The following WWOX variants were observed in gnomAD, a reference collection of about 807,000 sequenced individuals.
The protein encoded by WWOX is WW domain-containing oxidoreductase.
A neutral mutation model predicts 46.2 loss-of-function variants in WWOX; 69 were observed. The observed-to-expected ratio is 1.49, with a 90% CI of 1.23 to 1.82. The LOEUF is 1.82. Among genes scored for constraint, WWOX ranks in the 40% most tolerant of loss-of-function variants. The pLI, the probability that WWOX is intolerant of heterozygous loss-of-function variation, is 0.00. For synonymous variants in WWOX, 359 were observed against 202.6 expected (o/e 1.77, Z -6.56); for missense variants, 919 against 542.6 (o/e 1.69, Z -6.89).
At position 79,079,019 on chromosome 16, in the gene WWOX, A is replaced by C. The variant is rs149394829; in HGVS notation, c.1057-132589A>C. 3.0e-4 allele frequency among the ~76,000 whole-genome samples: 45 copies of C among 152,304 alleles called. No homozygotes were observed. The East Asian group carries it at 7.2e-3, about 24-fold the overall frequency. ...GAGATGCTAAAATATAATACATTTG[A>C]CCTGCATTGATCAAGGTAGGCTAAC... is the stretch of plus-strand genomic sequence containing the variant. On this transcript the variant is annotated intron_variant, in intron 8 of 8. Coordinates refer to ENST00000566780, the MANE Select transcript of WWOX (RefSeq NM_016373.4).
intron 8 of WWOX, among the ~76,000 whole-genome samples, chr16:78,497,588 T>C (rs2084947860): frequency 6.6e-6 from 1 of 152,188 alleles, no homozygotes; most frequent in Non-Finnish European, 1.5e-5. Context: ...ATATTCAAAA[T>C]GTACACACAG....
At chr16:79,055,467 C>G (rs564522350) in intron 8 of WWOX, among the ~76,000 whole-genome samples, 6 of 152,202 alleles carry the variant, frequency 3.9e-5, no homozygotes, top group Admixed American at 1.3e-4. Flanking sequence ...GCCCAGCTAG[C>G]CATGTGGAGA....
chr16:78,836,522 C>T (rs1264041276), intron 8 of WWOX, among the ~76,000 whole-genome samples: 1 of 152,126 alleles, frequency 6.6e-6, no homozygotes, highest in African/African-American at 2.4e-5. Flanking sequence ...TGCCCCTTGC[C>T]ATGTTTAGTA....
chr16:78,612,809 T>G (rs1408793836), intron 8 of WWOX, among the ~76,000 whole-genome samples: 1 of 152,176 alleles, frequency 6.6e-6, no homozygotes, highest in Non-Finnish European at 1.5e-5. Context: ...AAATGAAGGC[T>G]ACAATATTTA....
chr16:78,950,517 A>AACAC (rs748466625), intron 8 of WWOX, among the ~76,000 whole-genome samples: 18 of 105,232 alleles, frequency 1.7e-4, no homozygotes, highest in African/African-American at 3.1e-4. Context: ...CTATTAAAGG[A>AACAC]ACACACACAC....
In WWOX at chr16:78,347,504, C is replaced by G. The variant is rs554653019; in HGVS notation, c.517-39356C>G. 3.8e-4 allele frequency among the ~76,000 whole-genome samples: 45 copies of G among 117,928 alleles called. 15 individuals are homozygous for G. The highest frequency in any genetic ancestry group is 1.2e-3 in the African/African-American group (43 of 34,632). The allele number at this position is 117,928 out of a possible 152,430, so 77.4% of individuals were successfully genotyped here. A position where few individuals can be genotyped will look rare whatever the true frequency, so the allele number is the denominator to read the frequency against. On this transcript the variant is annotated intron_variant, in intron 5 of 8. Coordinates refer to ENST00000566780, the MANE Select transcript of WWOX (RefSeq NM_016373.4). ...CCCACATATCATTGCTATCCCTCCTCGACACCCACACCTCTTGCATGTTCC... is the reference window on the plus strand; with the variant it reads ...CCCACATATCATTGCTATCCCTCCTGGACACCCACACCTCTTGCATGTTCC...
chr16:78,356,088 A>AAAAAAAAAAAAC (rs2081281967), intron 5 of WWOX, among the ~76,000 whole-genome samples: 1 of 76,656 alleles, frequency 1.3e-5, no homozygotes, highest in Non-Finnish European at 2.9e-5. Context: ...AAAAAAAAAA[A>AAAAAAAAAAAAC]AAAAAGAAGA....
intron 8 of WWOX, among the ~76,000 whole-genome samples, chr16:79,209,310 A>C (rs1320090842): frequency 1.3e-5 from 2 of 152,194 alleles, no homozygotes; most frequent in Non-Finnish European, 2.9e-5. Flanking sequence ...TCTTAGCAAA[A>C]ATACCATTCC....
At chr16:78,707,757 C>T (rs978749716) in intron 8 of WWOX, among the ~76,000 whole-genome samples, 2 of 151,826 alleles carry the variant, frequency 1.3e-5, no homozygotes, top group African/African-American at 2.4e-5. Context: ...GTGGTGCACA[C>T]CTGTAGTCCC....
chr16:79,179,251 G>A (rs983117307), intron 8 of WWOX, among the ~76,000 whole-genome samples: 1 of 152,200 alleles, frequency 6.6e-6, no homozygotes, highest in Non-Finnish European at 1.5e-5. Flanking sequence ...ATGCTTACTT[G>A]ACTTGGACCA....
chr16:79,121,536 C>G (rs941749592), intron 8 of WWOX, among the ~76,000 whole-genome samples: 9 of 152,288 alleles, frequency 5.9e-5, no homozygotes, highest in Middle Eastern at 3.4e-3. Context: ...CACTCGTCTA[C>G]TTGAACTTCC....
chr16:78,238,027 A>G (rs1331121976), intron 5 of WWOX: 1 of 152,182 alleles, frequency 6.6e-6, no homozygotes, highest in African/African-American at 2.4e-5. Context: ...GGCTGTTTGG[A>G]GCAGGAGGCT....
intron 8 of WWOX, among the ~76,000 whole-genome samples, chr16:79,098,143 C>T (rs1337862519): frequency 2.0e-5 from 3 of 152,198 alleles, no homozygotes; most frequent in Non-Finnish European, 2.9e-5. Context: ...AACCTGTCTG[C>T]TCATCAGAAT....
intron 8 of WWOX, chr16:79,016,894 T>C (rs2047424959): frequency 1.3e-5 from 2 of 152,202 alleles, no homozygotes; most frequent in South Asian, 4.1e-4. Flanking sequence ...CGTCTTATTA[T>C]GTTTTCCAAA....
intron 8 of WWOX, among the ~76,000 whole-genome samples, chr16:79,049,166 C>T (rs2048120263): frequency 6.6e-6 from 1 of 152,218 alleles, no homozygotes; most frequent in African/African-American, 2.4e-5. Context: ...ACCATCACAA[C>T]TATTCAGTTC....
chr16:78,877,455 A>G (rs2044257358), intron 8 of WWOX, among the ~76,000 whole-genome samples: 1 of 152,178 alleles, frequency 6.6e-6, no homozygotes. Flanking sequence ...GTTCTTCTCC[A>G]AAAGGCTTTG....
chr16:78,972,788 T>TA (rs936383434), intron 8 of WWOX, among the ~76,000 whole-genome samples: 18 of 152,310 alleles, frequency 1.2e-4, no homozygotes, highest in Middle Eastern at 3.4e-3. Context: ...AGTGGAAACA[T>TA]AAAAAATGGT....
At chr16:78,239,754 C>T (rs1470974456) in intron 5 of WWOX, among the ~76,000 whole-genome samples, 6 of 151,994 alleles carry the variant, frequency 3.9e-5, no homozygotes, top group African/African-American at 1.5e-4. Context: ...AGGCTGGTCT[C>T]GAACTCCTGA....
chr16:78,874,522 C>T lies in WWOX; in HGVS notation c.1057-337086C>T, dbSNP rs149513780. ...GGTGCCTGGCCAGGGCTCACTGCAG[C>T]GCCTGGTATACAGGAAGAACTTGAT... is the stretch of plus-strand genomic sequence containing the variant. On this transcript the variant is annotated intron_variant, in intron 8 of 8. Coordinates refer to ENST00000566780, the MANE Select transcript of WWOX (RefSeq NM_016373.4). Among the ~76,000 whole-genome samples the T allele has an allele frequency of 5.0e-4, 76 of 152,058 alleles. 3 individuals are homozygous for T. The East Asian group carries it at 0.013, about 27-fold the overall frequency.
Sources: allele counts gnomAD v4.1 joint callset (sites outside exome capture counted in the v4.1 genomes callset), GRCh38; gene constraint gnomAD v4.1.1; transcripts MANE v1.5; gene names NCBI Gene and HGNC (gene_info 2026-07-23, HGNC 2026-07-21).